PRKAR2A: variants seen among roughly 807,000 people sequenced by gnomAD.
PRKAR2A encodes protein kinase cAMP-dependent type II regulatory subunit alpha.
A neutral mutation model predicts 51.9 loss-of-function variants in PRKAR2A; 29 were observed. The observed-to-expected ratio is 0.56, with a 90% CI of 0.42 to 0.76. PRKAR2A has a LOEUF of 0.76. Ranked by LOEUF, PRKAR2A falls within the 30% of genes least tolerant of loss-of-function variation. The pLI is 0.00. For synonymous variants in PRKAR2A, 178 were observed against 186.2 expected, an observed-to-expected ratio of 0.96 and a Z score of 0.36; for missense variants, 445 against 512.1, an observed-to-expected ratio of 0.87 and a Z score of 1.26.
chr3:48,824,396 A>G (rs541074918), intron 1 of PRKAR2A, among the ~76,000 whole-genome samples: 37 of 147,032 alleles, frequency 2.5e-4, no homozygotes, highest in African/African-American at 8.4e-4. Context: ...CTCTGTCTCC[A>G]AAAAAAAAAG....
At position 48,752,259 on chromosome 3, in the gene PRKAR2A, C is replaced by T; in HGVS notation, c.998G>A (p.Gly333Glu). 1 of 1,614,206 alleles carries T rather than the reference C, an allele frequency of 6.2e-7. No homozygotes were observed. The highest frequency in any genetic ancestry group is 8.5e-7 in the Non-Finnish European group (1 of 1,180,042). ...CAGGGCAAGCTCTCCAAAGTACTGC[C>T]CCTTATGGCAGCGGGCAATCTCGAC... Reference protein sequence around the residue: ...QEVEIARCHKGQYFGELALVT... With the variant: ...QEVEIARCHKEQYFGELALVT... Residue 333 changes from glycine (G) to glutamate (E), a missense_variant, in exon 10 of 11, where the codon GGG (glycine) becomes GAG (glutamate). Transcript: ENST00000265563.
chr3:48,774,134 A>C (rs2082071129), intron 5 of PRKAR2A, among the ~76,000 whole-genome samples: 1 of 151,952 alleles, frequency 6.6e-6, no homozygotes, highest in African/African-American at 2.4e-5. Context: ...TGCCCGGCCT[A>C]ATTTTTTTTC....
rs2081770461 is a variant in PRKAR2A at position 48,756,593 on chromosome 3, A to G, written c.874-149T>C. The G allele has an allele frequency of 1.6e-5, 10 of 611,684 alleles. No individual in the cohort carries two copies. In the South Asian group the frequency reaches 2.0e-4, roughly 12 times the overall value. 37.9% of individuals were successfully genotyped at this position (611,684 alleles called of 1,614,324 possible). A position where few individuals can be genotyped will look rare whatever the true frequency, so the allele number is the denominator to read the frequency against. ...ATAGTAAACAAATTCAGAGCAGGCA[A>G]TGAGACCTTGCCTCTTAGGAAAAGG... On this transcript the variant is annotated intron_variant, in intron 8 of 10. Coordinates refer to ENST00000265563, the MANE Select transcript of PRKAR2A (RefSeq NM_004157.4).
At chr3:48,801,949 G>A (rs2082597080) in intron 2 of PRKAR2A, among the ~76,000 whole-genome samples, 1 of 151,850 alleles carries the variant, frequency 6.6e-6, no homozygotes, top group African/African-American at 2.4e-5. Flanking sequence ...CACTCTTGTC[G>A]CCCAGGCTGG....
At chr3:48,832,666 C>A (rs1038995259) in intron 1 of PRKAR2A, among the ~76,000 whole-genome samples, 2 of 151,918 alleles carry the variant, frequency 1.3e-5, no homozygotes, top group Admixed American at 1.3e-4. Context: ...TATTACAAAA[C>A]GATTTTTTTT....
At chr3:48,759,606 C>T (rs1412042019) in intron 8 of PRKAR2A, among the ~76,000 whole-genome samples, 3 of 152,074 alleles carry the variant, frequency 2.0e-5, no homozygotes, top group Non-Finnish European at 2.9e-5. Context: ...AGGCTGGTCT[C>T]GAACCCCCAA....
intron 1 of PRKAR2A, among the ~76,000 whole-genome samples, chr3:48,819,061 G>A (rs1004331053): frequency 1.3e-5 from 2 of 151,492 alleles, no homozygotes; most frequent in Admixed American, 6.6e-5. Context: ...GGAGTGCAGT[G>A]GTGCAATCTC....
intron 5 of PRKAR2A, among the ~76,000 whole-genome samples, chr3:48,775,304 A>T (rs868066978): frequency 1.4e-4 from 21 of 151,380 alleles, no homozygotes; most frequent in Middle Eastern, 6.8e-3. Flanking sequence ...CTGGGCGGGT[A>T]GCGGGTGCCT....
rs992322327 is a variant in PRKAR2A, at chr3:48,772,825, G to C, written c.696+130C>G. On this transcript the variant is annotated intron_variant, in intron 6 of 10. Transcript: ENST00000265563. ...CTGGCTATTTTTTTTGTATTTTTTA[G>C]TAGAGATGGGGTTTCACCGTGTTAG... 14 of 967,082 alleles carry C rather than the reference G, an allele frequency of 1.4e-5. No homozygotes were observed. In the African/African-American group the frequency reaches 2.4e-4, roughly 16 times the overall value. The allele number at this position is 967,082 out of a possible 1,614,324, so 59.9% of individuals were successfully genotyped here.
At chr3:48,832,418 T>C (rs960026409) in intron 1 of PRKAR2A, among the ~76,000 whole-genome samples, 1 of 152,026 alleles carries the variant, frequency 6.6e-6, no homozygotes, top group African/African-American at 2.4e-5. Context: ...AAATGGCACC[T>C]CAAATGCAAA....
intron 4 of PRKAR2A, 135 bp downstream of exon 4, chr3:48,790,408 TC>T: frequency 5.9e-6 from 3 of 511,140 alleles, no homozygotes; most frequent in Non-Finnish European, 1.0e-5. Context: ...AATGAAAACA[TC>T]TGTATGTAAG....
At chr3:48,772,002 C>T (rs2082036534) in intron 6 of PRKAR2A, among the ~76,000 whole-genome samples, 1 of 152,084 alleles carries the variant, frequency 6.6e-6, no homozygotes, top group East Asian at 1.9e-4. Flanking sequence ...ATCTGGATTT[C>T]AGGCTTTCCA....
intron 6 of PRKAR2A, among the ~76,000 whole-genome samples, chr3:48,769,758 G>A (rs947295014): frequency 4.3e-4 from 65 of 151,784 alleles, no homozygotes; most frequent in African/African-American, 1.4e-3. Context: ...TTACAGGCAC[G>A]AGCCACTACG....
intron 1 of PRKAR2A, among the ~76,000 whole-genome samples, chr3:48,815,182 G>A (rs2082853551): frequency 6.6e-6 from 1 of 151,950 alleles, no homozygotes; most frequent in African/African-American, 2.4e-5. Flanking sequence ...CCAAAGTGCT[G>A]GAATTACACG....
At chr3:48,816,521 C>T (rs958700179) in intron 1 of PRKAR2A, among the ~76,000 whole-genome samples, 1 of 152,078 alleles carries the variant, frequency 6.6e-6, no homozygotes, top group Non-Finnish European at 1.5e-5. Flanking sequence ...GACTGTAGTC[C>T]CAGCTACTCA....
intron 1 of PRKAR2A, among the ~76,000 whole-genome samples, chr3:48,835,900 A>C (rs2083276078): frequency 6.6e-6 from 1 of 152,186 alleles, no homozygotes; most frequent in Non-Finnish European, 1.5e-5. Context: ...TATAGTAATC[A>C]AGACAATGTG....
Position 48,751,164 on chromosome 3 carries a change from A to G in PRKAR2A, c.*421T>C. The G allele has an allele frequency of 8.2e-6, 3 of 364,282 alleles. No individual in the cohort carries two copies. The highest frequency in any genetic ancestry group is 4.2e-5 in the South Asian group (2 of 47,198). 22.6% of individuals were successfully genotyped at this position (364,282 alleles called of 1,614,324 possible). The stretch of plus-strand genomic sequence containing the variant: ...ACTGAAGGCTACATTTCCTCCTTTG[A>G]GAACCATTAGAGAGTGTCTACAGTT... On this transcript the variant is annotated 3_prime_UTR_variant, in exon 11 of 11. Coordinates refer to ENST00000265563, the MANE Select transcript of PRKAR2A (RefSeq NM_004157.4).
At chr3:48,788,931 G>A (rs2082338178) in intron 4 of PRKAR2A, among the ~76,000 whole-genome samples, 1 of 151,966 alleles carries the variant, frequency 6.6e-6, no homozygotes. Context: ...CTACCACCAA[G>A]AGAGGGAGGA....
At chr3:48,762,795 ATAT>A (rs1231319094) in intron 8 of PRKAR2A, among the ~76,000 whole-genome samples, 1 of 152,206 alleles carries the variant, frequency 6.6e-6, no homozygotes, top group Non-Finnish European at 1.5e-5. Context: ...GTACAATGAA[ATAT>A]TATTAGCAAT....
Sources: allele counts gnomAD v4.1 joint callset (sites outside exome capture counted in the v4.1 genomes callset), GRCh38; gene constraint gnomAD v4.1.1; transcripts MANE v1.5; gene names NCBI Gene and HGNC (gene_info 2026-07-23, HGNC 2026-07-21).